NIBAN1: variants seen among roughly 807,000 people sequenced by gnomAD.
The protein encoded by NIBAN1 is niban apoptosis regulator 1.
A neutral mutation model predicts 75.1 loss-of-function variants in NIBAN1; 81 were observed. The observed-to-expected ratio is 1.08, with a 90% CI of 0.90 to 1.30. The LOEUF is 1.30. NIBAN1 is among the 50% of genes most tolerant of loss of function. NIBAN1 has a pLI of 0.00. For synonymous variants in NIBAN1, 436 were observed against 424.8 expected, an observed-to-expected ratio of 1.03 and a Z score of -0.32; for missense variants, 1,133 against 1,128.1, an observed-to-expected ratio of 1.00 and a Z score of -0.06.
chr1:184,888,544 A>G (rs1347610023), intron 4 of NIBAN1, among the ~76,000 whole-genome samples: 1 of 152,202 alleles, frequency 6.6e-6, no homozygotes, highest in Non-Finnish European at 1.5e-5. Context: ...GAATATCACA[A>G]CTGATCTACT....
intron 5 of NIBAN1, among the ~76,000 whole-genome samples, chr1:184,846,378 C>A (rs1352224204): frequency 4.7e-4 from 1 of 2,108 alleles, no homozygotes; most frequent in South Asian, 5.2e-3. Context: ...ACACCTCACA[C>A]GGCAGGGTAT....
chr1:184,903,733 CT>C (rs368105582), intron 1 of NIBAN1, among the ~76,000 whole-genome samples: 489 of 99,896 alleles, frequency 4.9e-3, no homozygotes, highest in East Asian at 0.033. Flanking sequence ...CCGATTAAAC[CT>C]TTTTTTTTTT....
intron 13 of NIBAN1, among the ~76,000 whole-genome samples, chr1:184,796,391 C>T (rs1460745570): frequency 2.6e-5 from 4 of 152,232 alleles, no homozygotes; most frequent in Non-Finnish European, 5.9e-5. Context: ...TCAGGGTCTG[C>T]AGTAGTGTCA....
intron 5 of NIBAN1, among the ~76,000 whole-genome samples, chr1:184,838,248 C>T (rs1388896358): frequency 1.3e-5 from 2 of 152,196 alleles, no homozygotes; most frequent in East Asian, 1.9e-4. Flanking sequence ...TTACAACTTA[C>T]TGTGCTCGGC....
At chr1:184,934,246 C>T (rs1657896596) in intron 1 of NIBAN1, among the ~76,000 whole-genome samples, 1 of 152,060 alleles carries the variant, frequency 6.6e-6, no homozygotes, top group African/African-American at 2.4e-5. Flanking sequence ...CATATTCTTA[C>T]TTATAAGTGG....
chr1:184,967,982 T>TTTG lies in NIBAN1; in HGVS notation c.55+6319_55+6320insCAA, dbSNP rs1658842830. On this transcript the variant is annotated intron_variant, in intron 1 of 13. Coordinates refer to ENST00000367511, the MANE Select transcript of NIBAN1 (RefSeq NM_052966.4). The stretch of plus-strand genomic sequence containing the variant: ...ACTTTGGGAGGCCGAGGCGGGTGGA[T>TTTG]CATGAGGTCAGGAGATCGAGACCAT... 2.1e-4 allele frequency among the ~76,000 whole-genome samples: 2 copies of TTTG among 9,648 alleles called. 1 individual carries two copies. Among genetic ancestry groups the TTTG allele is most frequent in the Non-Finnish European group, 8.7e-4 (2 of 2,290 alleles). 6.3% of individuals were successfully genotyped at this position (9,648 alleles called of 152,430 possible).
intron 1 of NIBAN1, among the ~76,000 whole-genome samples, chr1:184,942,557 G>A (rs1013121188): frequency 6.6e-5 from 10 of 152,300 alleles, no homozygotes; most frequent in African/African-American, 2.2e-4. Flanking sequence ...AGCTGGGCGT[G>A]ATGGCGGGCG....
At chr1:184,866,842 G>A (rs1655970480) in intron 5 of NIBAN1, among the ~76,000 whole-genome samples, 1 of 152,142 alleles carries the variant, frequency 6.6e-6, no homozygotes, top group African/African-American at 2.4e-5. Flanking sequence ...CTCAAAATTA[G>A]TGATATTTAG....
At chr1:184,942,691 C>T (rs562597227) in intron 1 of NIBAN1, among the ~76,000 whole-genome samples, 1 of 102,038 alleles carries the variant, frequency 9.8e-6, no homozygotes, top group South Asian at 3.3e-4. Flanking sequence ...GAGACTCCGT[C>T]TCAAAAAAAA....
chr1:184,974,457 A>G lies in NIBAN1; in HGVS notation c.-101T>C. 7.0e-7 allele frequency: 1 copy of G among 1,437,978 alleles called. No homozygotes were observed. Among genetic ancestry groups the G allele is most frequent in the Non-Finnish European group, 9.3e-7 (1 of 1,075,294 alleles). The allele number at this position is 1,437,978 out of a possible 1,614,324, so 89.1% of individuals were successfully genotyped here. A position where few individuals can be genotyped will look rare whatever the true frequency, so the allele number is the denominator to read the frequency against. ...CGGCGAACCCGGCTCTGAAATTAAGAGCAAACTTCCTTCGAGAGGCGAGAG... is the reference window on the plus strand; with the variant it reads ...CGGCGAACCCGGCTCTGAAATTAAGGGCAAACTTCCTTCGAGAGGCGAGAG... On this transcript the variant is annotated 5_prime_UTR_variant, in exon 1 of 14. Coordinates refer to ENST00000367511, the MANE Select transcript of NIBAN1 (RefSeq NM_052966.4).
intron 1 of NIBAN1, among the ~76,000 whole-genome samples, chr1:184,906,907 A>T (rs2101999377): frequency 6.6e-6 from 1 of 152,314 alleles, no homozygotes; most frequent in African/African-American, 2.4e-5. Flanking sequence ...GAAGCAGATC[A>T]ACTCAAATCT....
At chr1:184,940,935 C>T (rs374408343) in intron 1 of NIBAN1, among the ~76,000 whole-genome samples, 4 of 152,206 alleles carry the variant, frequency 2.6e-5, no homozygotes, top group Non-Finnish European at 4.4e-5. Context: ...GCGGGTTAAG[C>T]GGGCAATGTG....
At chr1:184,804,757 A>T (rs1654143506) in intron 11 of NIBAN1, among the ~76,000 whole-genome samples, 1 of 149,072 alleles carries the variant, frequency 6.7e-6, no homozygotes. Flanking sequence ...GTGTGTTATC[A>T]TGAGCAATAT....
At chr1:184,974,216 G>A (rs1030502185) in intron 1 of NIBAN1, 86 bp downstream of exon 1, 3 of 1,334,226 alleles carry the variant, frequency 2.2e-6, no homozygotes, top group Non-Finnish European at 1.9e-6. Flanking sequence ...GAGGGCCCGG[G>A]GCGCGCCCCT....
At chr1:184,919,353 T>C (rs996971003) in intron 1 of NIBAN1, among the ~76,000 whole-genome samples, 3 of 152,094 alleles carry the variant, frequency 2.0e-5, no homozygotes. Context: ...TTTCTCCAAA[T>C]CCCATGTGAA....
chr1:184,949,657 G>A (rs1210612741), intron 1 of NIBAN1, among the ~76,000 whole-genome samples: 1 of 152,114 alleles, frequency 6.6e-6, no homozygotes, highest in Non-Finnish European at 1.5e-5. Flanking sequence ...CTAACTATAA[G>A]TTTAAATAAG....
At chr1:184,809,940 C>A (rs1303209564) in intron 9 of NIBAN1, among the ~76,000 whole-genome samples, 3 of 151,958 alleles carry the variant, frequency 2.0e-5, no homozygotes, top group Non-Finnish European at 4.4e-5. Context: ...AAAGTCTAGC[C>A]TCTAAGGGTG....
At chr1:184,823,505 C>T in intron 7 of NIBAN1, 133 bp downstream of exon 7, 1 of 1,235,918 alleles carries the variant, frequency 8.1e-7, no homozygotes, top group Non-Finnish European at 1.1e-6. Flanking sequence ...AAGTGAGACT[C>T]AGCAGGTTCG....
At chr1:184,942,455 A>G (rs1450001362) in intron 1 of NIBAN1, among the ~76,000 whole-genome samples, 2 of 152,242 alleles carry the variant, frequency 1.3e-5, no homozygotes, top group Non-Finnish European at 2.9e-5. Context: ...GCACTCTGGG[A>G]GGCCGAAGCT....
Sources: gnomAD v4.1 joint callset for allele counts (sites outside exome capture counted in the v4.1 genomes callset) on GRCh38, gnomAD v4.1.1 for gene constraint, MANE v1.5 for transcripts, NCBI Gene and HGNC (gene_info 2026-07-23, HGNC 2026-07-21) for gene names.